AVL9: variants seen among roughly 807,000 people sequenced by gnomAD.
The protein encoded by AVL9 is late secretory pathway protein AVL9 homolog.
In AVL9, 49 loss-of-function variants were observed where a neutral mutation model predicts 79.2. That is an observed-to-expected ratio of 0.62 (90% CI 0.49 to 0.79). AVL9 has a LOEUF of 0.79. Ranked by LOEUF, AVL9 falls within the 30% of genes least tolerant of loss-of-function variation. The pLI is 0.00. For synonymous variants in AVL9, 299 were observed against 280.6 expected (o/e 1.07, Z -0.65); for missense variants, 682 against 776.8 (o/e 0.88, Z 1.45).
rs141762507 is a variant in AVL9, at chr7:32,563,963, G to GC, written c.1215+4500dup. Reference sequence around the variant, plus strand: ...TCGGGTTTCTCAGACTACTGGTAAAGCAAGTAGCCACAAATTGCGGGCTTT... The same window carrying GC: ...TCGGGTTTCTCAGACTACTGGTAAAGCCAAGTAGCCACAAATTGCGGGCTTT... On this transcript the variant is annotated intron_variant, in intron 10 of 15. Coordinates refer to ENST00000318709, the MANE Select transcript of AVL9 (RefSeq NM_015060.3). Among the ~76,000 whole-genome samples, 1,107 of 152,274 alleles carry GC rather than the reference G, an allele frequency of 7.3e-3. 11 individuals are homozygous for GC. Among genetic ancestry groups the GC allele is most frequent in the African/African-American group, 0.025 (1,057 of 41,552 alleles).
intron 4 of AVL9, among the ~76,000 whole-genome samples, chr7:32,549,842 C>T (rs1259151784): frequency 6.6e-6 from 1 of 151,164 alleles, no homozygotes; most frequent in East Asian, 2.0e-4. Context: ...ATCACTTGAA[C>T]CCAGGAGGTG....
intron 1 of AVL9, among the ~76,000 whole-genome samples, chr7:32,500,764 A>G (rs1196548699): frequency 6.6e-6 from 1 of 152,082 alleles, no homozygotes; most frequent in Admixed American, 6.5e-5. Context: ...TCTTTAATCC[A>G]TCCTCTGTTA....
chr7:32,575,895 T>G, intron 12 of AVL9, 60 bp from the exon 13 acceptor site: 4 of 1,231,302 alleles, frequency 3.2e-6, no homozygotes, highest in Non-Finnish European at 4.8e-6. Flanking sequence ...TTGGTTATAA[T>G]CTTCACATCC....
At chr7:32,522,371 G>C in intron 1 of AVL9, among the ~76,000 whole-genome samples, 1 of 152,196 alleles carries the variant, frequency 6.6e-6, no homozygotes, top group East Asian at 1.9e-4. Context: ...TCTTGCATCA[G>C]TGTGACCTGG....
intron 13 of AVL9, among the ~76,000 whole-genome samples, chr7:32,579,581 TTA>T (rs1491280202): frequency 0.012 from 135 of 11,490 alleles, 20 homozygotes; most frequent in Middle Eastern, 0.062. Flanking sequence ...ATATTATATA[TTA>T]TATATTATAT....
chr7:32,583,399 G>A (rs1791605664), intron 15 of AVL9, among the ~76,000 whole-genome samples: 1 of 152,184 alleles, frequency 6.6e-6, no homozygotes. Flanking sequence ...ATGTGTTCTA[G>A]TGAATTAACA....
intron 1 of AVL9, among the ~76,000 whole-genome samples, chr7:32,521,965 G>C (rs577107930): frequency 4.6e-5 from 7 of 152,202 alleles, no homozygotes; most frequent in Non-Finnish European, 1.0e-4. Flanking sequence ...CTTTGGCAGC[G>C]TCCACATGGT....
At chr7:32,566,272 G>A (rs1790565167) in intron 10 of AVL9, among the ~76,000 whole-genome samples, 1 of 139,358 alleles carries the variant, frequency 7.2e-6, no homozygotes, top group East Asian at 2.3e-4. Flanking sequence ...CACCTCCTGT[G>A]CTCAAGCGAT....
rs1210453572 is a variant in AVL9 at position 32,503,371 on chromosome 7, T to TACACACAC, written c.93+7570_93+7571insCACACACA. On this transcript the variant is annotated intron_variant, in intron 1 of 15. Coordinates refer to ENST00000318709, the MANE Select transcript of AVL9 (RefSeq NM_015060.3). Reference sequence around the variant, plus strand: ...ATATAGATATAGAGAGATATATATATATACACACACACACACACACACACA... The same window carrying TACACACAC: ...ATATAGATATAGAGAGATATATATATACACACACATACACACACACACACACACACACA... Among the ~76,000 whole-genome samples, 25 of 105,176 alleles carry TACACACAC rather than the reference T, an allele frequency of 2.4e-4. 1 individual carries two copies. Among genetic ancestry groups the TACACACAC allele is most frequent in the South Asian group, 1.1e-3 (3 of 2,784 alleles). The allele number at this position is 105,176 out of a possible 152,430, so 69.0% of individuals were successfully genotyped here.
chr7:32,529,289 T>A lies in AVL9; in HGVS notation c.94-13852T>A, dbSNP rs1788540239. Reference sequence around the variant, plus strand: ...GCAGATTGGTCATTTAAAAGTTACCTATGGGGTTAAAACAGAGGGGACCCC... The same window carrying A: ...GCAGATTGGTCATTTAAAAGTTACCAATGGGGTTAAAACAGAGGGGACCCC... On this transcript the variant is annotated intron_variant, in intron 1 of 15. Coordinates refer to ENST00000318709, the MANE Select transcript of AVL9 (RefSeq NM_015060.3). 2.0e-5 allele frequency among the ~76,000 whole-genome samples: 3 copies of A among 152,176 alleles called. No individual in the cohort carries two copies. In the South Asian group the frequency reaches 6.2e-4, roughly 31 times the overall value.
chr7:32,551,010 T>A (rs1337057806), intron 4 of AVL9, among the ~76,000 whole-genome samples: 1 of 152,160 alleles, frequency 6.6e-6, no homozygotes, highest in African/African-American at 2.4e-5. Context: ...TAAGAGGTAC[T>A]ATTTTCATAT....
intron 13 of AVL9, among the ~76,000 whole-genome samples, chr7:32,577,505 A>G (rs1583603895): frequency 1.3e-5 from 2 of 152,314 alleles, no homozygotes; most frequent in African/African-American, 4.8e-5. Context: ...CTGAAGGGAA[A>G]CAGATGTGGA....
At chr7:32,572,801 C>CAAAAAAAAAAAAAAAAAAAAAAAAAAA (rs3080635) in intron 11 of AVL9, among the ~76,000 whole-genome samples, 1 of 93,474 alleles carries the variant, frequency 1.1e-5, no homozygotes, top group African/African-American at 5.0e-5. Flanking sequence ...GACTCCGTCT[C>CAAAAAAAAAAAAAAAAAAAAAAAAAAA]AAAAAAAAAA....
intron 1 of AVL9, chr7:32,537,622 C>G (rs1583538178): frequency 6.6e-6 from 1 of 151,926 alleles, no homozygotes. Context: ...GCCACCACAC[C>G]CAGCTAATAT....
chr7:32,557,627 A>G (rs551780195), intron 8 of AVL9, among the ~76,000 whole-genome samples: 3 of 152,318 alleles, frequency 2.0e-5, no homozygotes, highest in African/African-American at 7.2e-5. Context: ...CAGGAGGCCC[A>G]TAACTATTTG....
chr7:32,588,382 T>A lies in AVL9; in HGVS notation c.*4475T>A, dbSNP rs548816575. ...CACTGGTTCCTGAATTTAGAAAACATTGGATTAATGAGTTGGTGAAGGCAT... is the reference window on the plus strand; with the variant it reads ...CACTGGTTCCTGAATTTAGAAAACAATGGATTAATGAGTTGGTGAAGGCAT... On this transcript the variant is annotated 3_prime_UTR_variant, in exon 16 of 16. Coordinates refer to ENST00000318709, the MANE Select transcript of AVL9 (RefSeq NM_015060.3). The A allele has an allele frequency of 6.6e-6, 1 of 152,310 alleles. No homozygotes were observed. Among genetic ancestry groups the A allele is most frequent in the South Asian group, 2.1e-4 (1 of 4,828 alleles). 9.4% of individuals were successfully genotyped at this position (152,310 alleles called of 1,614,324 possible).
chr7:32,579,602 T>A (rs200470542), intron 13 of AVL9, among the ~76,000 whole-genome samples: 111 of 4,328 alleles, frequency 0.026, 36 homozygotes, highest in African/African-American at 0.083. Flanking sequence ...ATATTATATA[T>A]TATATTATAT....
intron 4 of AVL9, 101 bp downstream of exon 4, chr7:32,549,019 T>C: frequency 1.5e-6 from 1 of 666,274 alleles, no homozygotes; most frequent in Non-Finnish European, 2.3e-6. Context: ...AAATGACATA[T>C]TAAAATTATT....
In AVL9 at chr7:32,495,539, C is replaced by T. The variant is rs1488355541; in HGVS notation, c.-171C>T. 2.4e-6 allele frequency: 1 copy of T among 409,296 alleles called. No individual in the cohort carries two copies. Among genetic ancestry groups the T allele is most frequent in the Non-Finnish European group, 4.3e-6 (1 of 231,364 alleles). The allele number at this position is 409,296 out of a possible 1,614,324, so 25.4% of individuals were successfully genotyped here. On this transcript the variant is annotated 5_prime_UTR_variant, in exon 1 of 16. Transcript: ENST00000318709. ...CGGAAGCGGATGAGGGAAGGGCGGC[C>T]GTGGCCCTGGGGGCGGCGGGAGCTG...
Sources: gnomAD v4.1 joint callset for allele counts (sites outside exome capture counted in the v4.1 genomes callset) on GRCh38, gnomAD v4.1.1 for gene constraint, MANE v1.5 for transcripts, NCBI Gene and HGNC (gene_info 2026-07-23, HGNC 2026-07-21) for gene names.